Variants in SLC39A11 observed in about 807,000 individuals in gnomAD.
SLC39A11 encodes solute carrier family 39 member 11.
In SLC39A11, 33 loss-of-function variants were observed where a neutral mutation model predicts 36.1. That is an observed-to-expected ratio of 0.91 (90% CI 0.69 to 1.22). SLC39A11 has a LOEUF of 1.22. Ranked by LOEUF, SLC39A11 falls within the 50% of genes most tolerant of loss-of-function variation. The pLI is 0.00. For missense variants in SLC39A11, 432 were observed against 430.3 expected, an observed-to-expected ratio of 1.00 and a Z score of -0.03; for synonymous variants, 166 against 170.3, an observed-to-expected ratio of 0.97 and a Z score of 0.20.
intron 4 of SLC39A11, among the ~76,000 whole-genome samples, chr17:73,024,995 C>A (rs1014150042): frequency 6.6e-6 from 1 of 150,774 alleles, no homozygotes; most frequent in East Asian, 2.0e-4. Flanking sequence ...AGATTATAGG[C>A]ATGAGCTACC....
intron 5 of SLC39A11, among the ~76,000 whole-genome samples, chr17:72,863,000 C>T (rs2080122067): frequency 6.6e-6 from 1 of 152,188 alleles, no homozygotes; most frequent in Admixed American, 6.5e-5. Flanking sequence ...GGAGCTTGAG[C>T]AAAGTGCAGA....
chr17:72,947,856 T>G lies in SLC39A11; in HGVS notation c.326A>C (p.Gln109Pro). The G allele has an allele frequency of 6.2e-7, 1 of 1,613,922 alleles. No individual in the cohort carries two copies. The highest frequency in any genetic ancestry group is 8.5e-7 in the Non-Finnish European group (1 of 1,180,022). Reference sequence around the variant, plus strand: ...GCCGAAGTTCAGTGCCAGGGTCGTCTGGGGGTCTTCTGCTGCACCCTGAAA... The same window carrying G: ...GCCGAAGTTCAGTGCCAGGGTCGTCGGGGGGTCTTCTGCTGCACCCTGAAA... ...MPHLGAAEDP[Q>P]TTLALNFGST... The change falls in exon 5 of 10, where the codon CAG becomes CCG. Residue 109 changes from glutamine to proline, a missense_variant. Gln to Pro is a moderately conservative substitution (Grantham distance 76). Transcript: ENST00000255559.
chr17:72,779,721 G>C (rs1340477948), intron 6 of SLC39A11, among the ~76,000 whole-genome samples: 1 of 152,144 alleles, frequency 6.6e-6, no homozygotes, highest in Non-Finnish European at 1.5e-5. Context: ...TTCTCACTTA[G>C]CTCGCTTCTG....
At chr17:72,995,565 G>T (rs2089455694) in intron 4 of SLC39A11, among the ~76,000 whole-genome samples, 1 of 152,244 alleles carries the variant, frequency 6.6e-6, no homozygotes, top group Non-Finnish European at 1.5e-5. Context: ...CAGCATGGGT[G>T]AGTATCATCC....
chr17:72,862,299 G>A (rs1401726043), intron 5 of SLC39A11, among the ~76,000 whole-genome samples: 1 of 152,210 alleles, frequency 6.6e-6, no homozygotes, highest in African/African-American at 2.4e-5. Context: ...CTGACCTGAG[G>A]TTGCGTGGAG....
At chr17:72,997,324 G>A (rs1046040019) in intron 4 of SLC39A11, among the ~76,000 whole-genome samples, 2 of 152,186 alleles carry the variant, frequency 1.3e-5, no homozygotes, top group Non-Finnish European at 2.9e-5. Flanking sequence ...CATGATCTCA[G>A]CTCACTGCAA....
At chr17:72,904,950 G>T (rs562723867) in intron 5 of SLC39A11, among the ~76,000 whole-genome samples, 9 of 152,004 alleles carry the variant, frequency 5.9e-5, no homozygotes, top group African/African-American at 1.9e-4. Flanking sequence ...GAGGCAGGCG[G>T]ATCACGAGGT....
chr17:72,882,799 T>TTTTTTTTTTTTTTTTTTC (rs2081264021), intron 5 of SLC39A11, among the ~76,000 whole-genome samples: 1 of 87,398 alleles, frequency 1.1e-5, no homozygotes, highest in African/African-American at 4.2e-5. Context: ...GAATGCTTCT[T>TTTTTTTTTTTTTTTTTTC]TTTTTTTTTT....
At chr17:72,668,202 TA>T (rs1055691967) in intron 7 of SLC39A11, among the ~76,000 whole-genome samples, 1,894 of 133,284 alleles carry the variant, frequency 0.014, 33 homozygotes, top group African/African-American at 0.046. Flanking sequence ...AAGAATCTTT[TA>T]AAAAAAAAAA....
chr17:72,995,747 C>G (rs777489260), intron 4 of SLC39A11, among the ~76,000 whole-genome samples: 2 of 152,200 alleles, frequency 1.3e-5, no homozygotes, highest in Admixed American at 1.3e-4. Flanking sequence ...GATTTTCCAG[C>G]CTTCCGACTT....
At chr17:73,083,742 T>C (rs1243366532) in intron 3 of SLC39A11, among the ~76,000 whole-genome samples, 1 of 152,036 alleles carries the variant, frequency 6.6e-6, no homozygotes, top group African/African-American at 2.4e-5. Flanking sequence ...GTTAAAAAAT[T>C]AAAGAGACTT....
At chr17:72,805,399 G>C (rs1343730260) in intron 6 of SLC39A11, among the ~76,000 whole-genome samples, 4 of 152,200 alleles carry the variant, frequency 2.6e-5, no homozygotes, top group African/African-American at 9.6e-5. Flanking sequence ...CTAAGCATGA[G>C]GGAGATTGAT....
At chr17:72,928,207 C>T (rs565238109) in intron 5 of SLC39A11, among the ~76,000 whole-genome samples, 4 of 152,342 alleles carry the variant, frequency 2.6e-5, no homozygotes, top group African/African-American at 9.6e-5. Context: ...TTTTACATGT[C>T]TGTCTCTTCC....
chr17:72,762,330 T>C (rs2075615587), intron 6 of SLC39A11, among the ~76,000 whole-genome samples: 1 of 152,200 alleles, frequency 6.6e-6, no homozygotes, highest in South Asian at 2.1e-4. Context: ...CACTGCTTAT[T>C]ATATGCTAAT....
intron 7 of SLC39A11, among the ~76,000 whole-genome samples, chr17:72,730,654 T>G (rs1466482730): frequency 6.6e-6 from 1 of 152,178 alleles, no homozygotes; most frequent in Non-Finnish European, 1.5e-5. Flanking sequence ...TCCTTTTAGA[T>G]TCACTAGCAT....
At chr17:72,783,882 C>T (rs955787000) in intron 6 of SLC39A11, among the ~76,000 whole-genome samples, 4 of 152,176 alleles carry the variant, frequency 2.6e-5, no homozygotes, top group African/African-American at 4.8e-5. Context: ...AGCACACCCT[C>T]AGCCAGGAAT....
At chr17:72,896,562 G>A (rs553145975) in intron 5 of SLC39A11, among the ~76,000 whole-genome samples, 42 of 152,178 alleles carry the variant, frequency 2.8e-4, no homozygotes, top group African/African-American at 7.9e-4. Context: ...ACAGCGTACC[G>A]AAAGATGAAG....
chr17:72,991,361 A>T (rs930504998), intron 4 of SLC39A11, among the ~76,000 whole-genome samples: 1 of 151,400 alleles, frequency 6.6e-6, no homozygotes, highest in Non-Finnish European at 1.5e-5. Context: ...TTTATTTTTT[A>T]ATTTTTTTTT....
At chr17:73,051,586 C>T (rs369991007) in intron 3 of SLC39A11, among the ~76,000 whole-genome samples, 4 of 150,480 alleles carry the variant, frequency 2.7e-5, no homozygotes, top group Admixed American at 6.6e-5. Flanking sequence ...GGCCAGTCGC[C>T]GTGGTTCAGG....
Sources: allele counts gnomAD v4.1 joint callset (sites outside exome capture counted in the v4.1 genomes callset), GRCh38; gene constraint gnomAD v4.1.1; transcripts MANE v1.5; gene names NCBI Gene and HGNC (gene_info 2026-07-23, HGNC 2026-07-21).